The following INHA variants were observed in gnomAD, a reference collection of about 807,000 sequenced individuals.
INHA encodes the protein inhibin subunit alpha, also known as inhibin alpha chain.
In INHA, 8 loss-of-function variants were observed where a neutral mutation model predicts 21.3. The ratio of observed to expected loss-of-function variants is 0.38; its 90% CI spans 0.22 to 0.68. INHA has a LOEUF of 0.68. Among genes scored for constraint, INHA ranks in the 30% least tolerant of loss-of-function variants. INHA has a pLI of 0.53. For missense variants in INHA, 436 were observed against 465.8 expected (o/e 0.94, Z 0.59); for synonymous variants, 231 against 207.5 (o/e 1.11, Z -0.97).
rs1389841463 is a variant in INHA, at chr2:219,572,389, A to G, written c.15A>G (p.Leu5=). 3 of 1,613,832 alleles carry G rather than the reference A, an allele frequency of 1.9e-6. No individual in the cohort carries two copies. Among genetic ancestry groups the G allele is most frequent in the African/African-American group, 1.3e-5 (1 of 74,934 alleles). MVLH[L]LLFLLLTPQG... ...CCAGGTGAGCTATGGTGCTGCACCT[A>G]CTGCTCTTCTTGCTGCTGACCCCAC... The change falls in exon 1 of 2, where the codon CTA becomes CTG. Residue 5 remains leucine (L), a synonymous_variant. Coordinates refer to ENST00000243786, the MANE Select transcript of INHA (RefSeq NM_002191.4).
Position 219,572,522 on chromosome 2 carries a change from GGT to G in INHA, c.150_151del (p.Asp52ProfsTer21). 1 of 1,603,162 alleles carries G rather than the reference GGT, an allele frequency of 6.2e-7. No homozygotes were observed. The highest frequency in any genetic ancestry group is 8.5e-7 in the Non-Finnish European group (1 of 1,174,606). The part of the protein sequence containing the change: ...ALGPPAVTRE[G>X]GDPGVRRLPR... ...GGGGCCCCCCGCGGTGACCAGGGAA[GGT>G]GGGGACCCTGGAGTCAGGCGGCTGC... On this transcript the variant is annotated frameshift_variant, in exon 1 of 2. Transcript: ENST00000243786. LOFTEE classifies it high-confidence loss of function.
At position 219,574,707 on chromosome 2, in the gene INHA, G is replaced by A. The variant is rs750011861; in HGVS notation, c.282G>A (p.Glu94=). The change falls in exon 2 of 2, where the codon GAG becomes GAA. Residue 94 remains glutamate (E), a synonymous_variant. Coordinates refer to ENST00000243786, the MANE Select transcript of INHA (RefSeq NM_002191.4). ...ILFPATDASC[E]DKSAARGLAQ... is the part of the protein sequence containing the mutation. ...TGTCTCCTGCAGATGCCAGCTGTGA[G>A]GACAAGTCAGCTGCCAGAGGGCTGG... 6.2e-7 allele frequency: 1 copy of A among 1,612,588 alleles called. No individual in the cohort carries two copies. Among genetic ancestry groups the A allele is most frequent in the South Asian group, 1.1e-5 (1 of 90,642 alleles).
Position 219,575,032 on chromosome 2 carries a change from T to C in INHA, c.607T>C (p.Cys203Arg). Residue 203 changes from cysteine (C) to arginine (R), a missense_variant, in exon 2 of 2, where the codon TGT becomes CGT. Cys to Arg is a radical substitution (Grantham distance 180). Coordinates refer to ENST00000243786, the MANE Select transcript of INHA (RefSeq NM_002191.4). Reference protein sequence around the residue: ...VLVLLLRCPLCTCSARPEATP... With the variant: ...VLVLLLRCPLRTCSARPEATP... ...GGTGCTGCTGCTGCGCTGTCCCCTC[T>C]GTACCTGCTCAGCCCGGCCTGAGGC... 6.2e-7 allele frequency: 1 copy of C among 1,613,388 alleles called. No homozygotes were observed.
chr2:219,575,382 C>T lies in INHA; in HGVS notation c.957C>T (p.Ser319=). 1 of 1,614,148 alleles carries T rather than the reference C, an allele frequency of 6.2e-7. No homozygotes were observed. The highest frequency in any genetic ancestry group is 8.5e-7 in the Non-Finnish European group (1 of 1,180,030). ...GAPPTPAQPY[S]LLPGAQPCCA... is the part of the protein sequence containing the mutation. ...CCCCTACCCCAGCCCAGCCCTACTC[C>T]TTGCTGCCAGGGGCCCAGCCCTGCT... Residue 319 remains serine (S), a synonymous_variant, in exon 2 of 2, where the codon TCC becomes TCT. Coordinates refer to ENST00000243786, the MANE Select transcript of INHA (RefSeq NM_002191.4).
chr2:219,572,592 A>G lies in INHA; in HGVS notation c.218A>G (p.Glu73Gly), dbSNP rs1213309493. The change falls in exon 1 of 2, where the codon GAG (glutamate) becomes GGG (glycine). Residue 73 changes from glutamate (E) to glycine (G), a missense_variant. By Grantham distance (98) the Glu-to-Gly change is moderately conservative. Transcript: ENST00000243786. Reference protein sequence around the residue: ...ALGGFTHRGSEPEEEEDVSQA... With the variant: ...ALGGFTHRGSGPEEEEDVSQA... Reference sequence around the variant, plus strand: ...GGGGGCTTCACACACAGGGGCTCTGAGCCCGAGGAAGAGGAGGATGTCTCC... The same window carrying G: ...GGGGGCTTCACACACAGGGGCTCTGGGCCCGAGGAAGAGGAGGATGTCTCC... The G allele has an allele frequency of 6.4e-7, 1 of 1,554,226 alleles. No homozygotes were observed. The highest frequency in any genetic ancestry group is 8.7e-7 in the Non-Finnish European group (1 of 1,148,430).
chr2:219,574,475 T>G (rs1252670592), intron 1 of INHA, among the ~76,000 whole-genome samples: 1 of 152,198 alleles, frequency 6.6e-6, no homozygotes, highest in Non-Finnish European at 1.5e-5. Context: ...TGGCAATGTC[T>G]TCTATTTTTT....
At position 219,575,051 on chromosome 2, in the gene INHA, C is replaced by T. The variant is rs750315309; in HGVS notation, c.626C>T (p.Pro209Leu). ...RCPLCTCSARPEATPFLVAHT... is the reference protein window; with the variant it reads ...RCPLCTCSARLEATPFLVAHT... The stretch of plus-strand genomic sequence containing the variant: ...CCCCTCTGTACCTGCTCAGCCCGGC[C>T]TGAGGCCACGCCCTTCCTGGTGGCC... Residue 209 changes from proline to leucine, a missense_variant, in exon 2 of 2, where the codon CCT becomes CTT. Transcript: ENST00000243786. 5 of 1,613,618 alleles carry T rather than the reference C, an allele frequency of 3.1e-6. No homozygotes were observed. In the South Asian group the frequency reaches 4.4e-5, roughly 14 times the overall value.
chr2:219,574,785 T>C lies in INHA; in HGVS notation c.360T>C (p.His120=), dbSNP rs772987087. The C allele has an allele frequency of 1.9e-5, 31 of 1,614,030 alleles. No individual in the cohort carries two copies. Among genetic ancestry groups the C allele is most frequent in the Non-Finnish European group, 2.5e-5 (30 of 1,180,028 alleles). ...LFRYMFRPSQ[H]TRSRQVTSAQ... ...GATACATGTTCCGGCCATCCCAGCA[T>C]ACACGCAGCCGCCAGGTGACTTCAG... The change falls in exon 2 of 2, where the codon CAT becomes CAC. Residue 120 remains histidine (H), a synonymous_variant. Transcript: ENST00000243786.
At chr2:219,573,450 G>A (rs909876604) in intron 1 of INHA, among the ~76,000 whole-genome samples, 2 of 152,170 alleles carry the variant, frequency 1.3e-5, no homozygotes, top group Non-Finnish European at 2.9e-5. Flanking sequence ...GTCTATGAGT[G>A]TGTCAGTGTG....
Position 219,574,763 on chromosome 2 carries a change from A to G in INHA, c.338A>G (p.Tyr113Cys), listed in dbSNP as rs541007081. 11 of 1,614,006 alleles carry G rather than the reference A, an allele frequency of 6.8e-6. No individual in the cohort carries two copies. The highest frequency in any genetic ancestry group is 8.5e-6 in the Non-Finnish European group (10 of 1,180,018). ...AQEAEEGLFR[Y>C]MFRPSQHTRS... ...GAGGCTGAGGAGGGCCTCTTCAGATACATGTTCCGGCCATCCCAGCATACA... is the reference window on the plus strand; with the variant it reads ...GAGGCTGAGGAGGGCCTCTTCAGATGCATGTTCCGGCCATCCCAGCATACA... Residue 113 changes from tyrosine (Y) to cysteine (C), a missense_variant, in exon 2 of 2, where the codon TAC becomes TGC. Coordinates refer to ENST00000243786, the MANE Select transcript of INHA (RefSeq NM_002191.4).
In INHA at chr2:219,572,432, C is replaced by G; in HGVS notation, c.58C>G (p.Gln20Glu). ...GACCCCACAGGGTGGGCACAGCTGC[C>G]AGGGGCTGGAGCTGGCCCGGGAACT... is the stretch of plus-strand genomic sequence containing the variant. ...LLTPQGGHSC[Q>E]GLELARELVL... Residue 20 changes from glutamine (Q) to glutamate (E), a missense_variant, in exon 1 of 2, where the codon CAG (glutamine) becomes GAG (glutamate). Physicochemically the swap from Gln to Glu is conservative, Grantham distance 29. Transcript: ENST00000243786. 1 of 1,614,090 alleles carries G rather than the reference C, an allele frequency of 6.2e-7. No homozygotes were observed. Among genetic ancestry groups the G allele is most frequent in the Non-Finnish European group, 8.5e-7 (1 of 1,180,020 alleles).
At chr2:219,572,944 C>T (rs1416244517) in intron 1 of INHA, among the ~76,000 whole-genome samples, 2 of 152,252 alleles carry the variant, frequency 1.3e-5, no homozygotes, top group Admixed American at 1.3e-4. Flanking sequence ...GCTTGAGCCC[C>T]TTCCTGCCAC....
chr2:219,572,788 T>G, intron 1 of INHA, 146 bp downstream of exon 1: 1 of 890,666 alleles, frequency 1.1e-6, no homozygotes, highest in East Asian at 2.6e-5. Context: ...AACTTCCTTA[T>G]GCTTCTGTCT....
In INHA at chr2:219,575,402, C is replaced by G. The variant is rs760968173; in HGVS notation, c.977C>G (p.Pro326Arg). The G allele has an allele frequency of 6.2e-7, 1 of 1,614,064 alleles. No homozygotes were observed. Among genetic ancestry groups the G allele is most frequent in the East Asian group, 2.2e-5 (1 of 44,882 alleles). ...QPYSLLPGAQ[P>R]CCAALPGTMR... The stretch of plus-strand genomic sequence containing the variant: ...TACTCCTTGCTGCCAGGGGCCCAGC[C>G]CTGCTGTGCTGCTCTCCCAGGGACC... Residue 326 changes from proline (P) to arginine (R), a missense_variant, in exon 2 of 2, where the codon CCC (proline) becomes CGC (arginine). By Grantham distance (103) the Pro-to-Arg change is moderately radical. Transcript: ENST00000243786.
chr2:219,572,673 C>T (rs1440742014), intron 1 of INHA, 31 bp downstream of exon 1: 11 of 1,550,804 alleles, frequency 7.1e-6, no homozygotes, highest in Non-Finnish European at 8.7e-6. Context: ...GGCAGGATGA[C>T]TTTGAGAAAA....
chr2:219,574,625 G>C (rs889181533), intron 1 of INHA, 69 bp from the exon 2 acceptor site: 97 of 1,308,056 alleles, frequency 7.4e-5, no homozygotes, highest in Non-Finnish European at 1.0e-4. Flanking sequence ...CATCCCTCCT[G>C]CTGAAGAGGA....
intron 1 of INHA, among the ~76,000 whole-genome samples, chr2:219,573,586 T>C (rs1697470486): frequency 3.5e-5 from 1 of 28,878 alleles, no homozygotes; most frequent in Non-Finnish European, 7.2e-5. Context: ...CCCTCCTTCT[T>C]CTTTTTTTTT....
chr2:219,573,808 C>T (rs143709273), intron 1 of INHA, among the ~76,000 whole-genome samples: 1 of 151,740 alleles, frequency 6.6e-6, no homozygotes, highest in African/African-American at 2.4e-5. Context: ...CCCGTCTCTA[C>T]TAAAAATACA....
intron 1 of INHA, among the ~76,000 whole-genome samples, chr2:219,574,402 G>A (rs1443708552): frequency 6.6e-6 from 1 of 152,208 alleles, no homozygotes; most frequent in Non-Finnish European, 1.5e-5. Flanking sequence ...GTGAAGTGGA[G>A]AGAGGGCCTC....
Sources: gnomAD v4.1 joint callset for allele counts (sites outside exome capture counted in the v4.1 genomes callset) on GRCh38, gnomAD v4.1.1 for gene constraint, MANE v1.5 for transcripts, NCBI Gene and HGNC (gene_info 2026-07-23, HGNC 2026-07-21) for gene names.